PCDHGA1: variants seen among roughly 807,000 people sequenced by gnomAD.
PCDHGA1 encodes the protein protocadherin gamma-A1.
PCDHGA1 carries 32 observed loss-of-function variants against 58.0 expected under a neutral mutation model. The ratio of observed to expected loss-of-function variants is 0.55; its 90% CI spans 0.42 to 0.74. The LOEUF (loss-of-function observed/expected upper bound fraction) is 0.74. Ranked by LOEUF, PCDHGA1 falls within the 30% of genes least tolerant of loss-of-function variation. PCDHGA1 has a pLI of 0.00. For missense variants in PCDHGA1, 1,205 were observed against 1,182.3 expected (o/e 1.02, Z -0.28); for synonymous variants, 498 against 501.1 (o/e 0.99, Z 0.08).
In PCDHGA1 at chr5:141,404,595, T is replaced by C. The variant is rs1035989165; in HGVS notation, c.2421+71490T>C. On this transcript the variant is annotated intron_variant, in intron 1 of 3. Transcript: ENST00000517417. ...CCACCACTTAGCAGCAATGTGTCAT[T>C]GAGACTGTTTGTTTTGGACCAGAAT... is the stretch of plus-strand genomic sequence containing the variant. 44 of 1,613,678 alleles carry C rather than the reference T, an allele frequency of 2.7e-5. No homozygotes were observed. Among genetic ancestry groups the C allele is most frequent in the Non-Finnish European group, 3.6e-5 (43 of 1,179,690 alleles).
intron 1 of PCDHGA1, chr5:141,415,426 C>T: frequency 6.2e-7 from 1 of 1,614,194 alleles, no homozygotes; most frequent in Non-Finnish European, 8.5e-7. Flanking sequence ...GGACGGGGTT[C>T]GGGCTTTCCT....
intron 1 of PCDHGA1, chr5:141,366,686 G>A (rs200958152): frequency 5.3e-5 from 86 of 1,614,138 alleles, no homozygotes; most frequent in Non-Finnish European, 6.8e-6. Flanking sequence ...AGAGAGCTGT[G>A]AGAAAAGCGA....
At chr5:141,421,941 T>C (rs186605459) in intron 1 of PCDHGA1, 2 of 1,613,456 alleles carry the variant, frequency 1.2e-6, no homozygotes, top group East Asian at 4.5e-5. Context: ...ATGTAAATGA[T>C]CACATCCCAA....
At position 141,489,094 on chromosome 5, in the gene PCDHGA1, G is replaced by GAAA. The variant is rs2154581134; in HGVS notation, c.2422-5711_2422-5710insAAA. On this transcript the variant is annotated intron_variant, in intron 1 of 3. Coordinates refer to ENST00000517417, the MANE Select transcript of PCDHGA1 (RefSeq NM_018912.3). The surrounding 1 kb of genome is among the most constrained non-coding windows in gnomAD (Gnocchi z 4.5). ...CCCACCCCCGCCACTCGGTGACTAA[G>GAAA]AACTGCTGCAAGCAGGCAAACCTCC... The GAAA allele has an allele frequency of 5.1e-6, 2 of 396,028 alleles. No homozygotes were observed. Among genetic ancestry groups the GAAA allele is most frequent in the South Asian group, 4.8e-5 (1 of 20,814 alleles). The allele number at this position is 396,028 out of a possible 1,614,324, so 24.5% of individuals were successfully genotyped here.
At chr5:141,465,467 C>T (rs2099103834) in intron 1 of PCDHGA1, among the ~76,000 whole-genome samples, 1 of 152,178 alleles carries the variant, frequency 6.6e-6, no homozygotes, top group Non-Finnish European at 1.5e-5. Flanking sequence ...CCAAATTGCC[C>T]TTGCTTCATG....
intron 1 of PCDHGA1, chr5:141,366,102 T>A (rs1445962676): frequency 6.2e-7 from 1 of 1,614,084 alleles, no homozygotes; most frequent in African/African-American, 1.3e-5. Context: ...GTGACCAAGG[T>A]GGTAGCGGTG....
At chr5:141,345,602 G>A in intron 1 of PCDHGA1, 2 of 1,614,174 alleles carry the variant, frequency 1.2e-6, no homozygotes, top group East Asian at 4.5e-5. Context: ...TCGACTACGA[G>A]CAATTTAGAG....
intron 1 of PCDHGA1, chr5:141,370,497 T>C: frequency 1.2e-6 from 2 of 1,613,956 alleles, no homozygotes; most frequent in Non-Finnish European, 1.7e-6. Context: ...ACCGATCCGC[T>C]ACGCTATTCC....
intron 1 of PCDHGA1, chr5:141,351,730 T>C (rs774894885): frequency 6.2e-7 from 1 of 1,613,666 alleles, no homozygotes; most frequent in East Asian, 2.2e-5. Context: ...TTCTGGCCAG[T>C]GACCTGGAGC....
rs764156663 is a variant in PCDHGA1 at position 141,382,871 on chromosome 5, G to A, written c.2421+49766G>A. 2.6e-6 allele frequency: 4 copies of A among 1,520,506 alleles called. No individual in the cohort carries two copies. The South Asian group carries it at 4.0e-5, about 15-fold the overall frequency. 94.2% of individuals were successfully genotyped at this position (1,520,506 alleles called of 1,614,324 possible). On this transcript the variant is annotated intron_variant, in intron 1 of 3. Coordinates refer to ENST00000517417, the MANE Select transcript of PCDHGA1 (RefSeq NM_018912.3). ...GCATTCTGAAGCACTTCCCGAGATC[G>A]GCGCCTAAGCAAGAGAAGCAGGACG... is the stretch of plus-strand genomic sequence containing the variant.
intron 1 of PCDHGA1, chr5:141,428,054 G>A (rs763394113): frequency 6.2e-7 from 1 of 1,609,038 alleles, no homozygotes; most frequent in Admixed American, 1.7e-5. Context: ...CCAAGGTGGT[G>A]GCGGTGGACG....
chr5:141,345,129 A>C (rs561605906), intron 1 of PCDHGA1: 1 of 1,613,954 alleles, frequency 6.2e-7, no homozygotes, highest in African/African-American at 1.3e-5. Context: ...TGGAAGAGAA[A>C]TTGCTCTTAT....
rs537684458 is a variant in PCDHGA1, at chr5:141,431,679, T to G, written c.2422-63128T>G. The G allele has an allele frequency of 1.5e-5, 24 of 1,614,222 alleles. No individual in the cohort carries two copies. The highest frequency in any genetic ancestry group is 3.3e-5 in the Admixed American group (2 of 60,028). On this transcript the variant is annotated intron_variant, in intron 1 of 3. Coordinates refer to ENST00000517417, the MANE Select transcript of PCDHGA1 (RefSeq NM_018912.3). The surrounding 1 kb of genome is among the most constrained non-coding windows in gnomAD (Gnocchi z 4.8). ...GGGACAATATCAACAATAGGGGAGT[T>G]GGACCACGAGGAGTCAGGATTCTAC...
chr5:141,385,048 C>T (rs1015626472), intron 1 of PCDHGA1: 6 of 1,614,150 alleles, frequency 3.7e-6, no homozygotes, highest in Non-Finnish European at 3.4e-6. Flanking sequence ...GCTCAGGCTG[C>T]GGCGCTGGCA....
rs137901127 is a variant in PCDHGA1 at position 141,436,420 on chromosome 5, A to G, written c.2422-58387A>G. 1.4e-3 allele frequency among the ~76,000 whole-genome samples: 213 copies of G among 152,326 alleles called. 1 individual carries two copies. The highest frequency in any genetic ancestry group is 4.8e-3 in the African/African-American group (199 of 41,594). ...AGTTGTTGAATGAATGGATAAACAA[A>G]TAATGTACTCTGGGGATTACCTGAT... On this transcript the variant is annotated intron_variant, in intron 1 of 3. Coordinates refer to ENST00000517417, the MANE Select transcript of PCDHGA1 (RefSeq NM_018912.3).
Position 141,485,778 on chromosome 5 carries a change from G to C in PCDHGA1, c.2422-9029G>C. 1 of 1,614,216 alleles carries C rather than the reference G, an allele frequency of 6.2e-7. No homozygotes were observed. Among genetic ancestry groups the C allele is most frequent in the Non-Finnish European group, 8.5e-7 (1 of 1,180,048 alleles). On this transcript the variant is annotated intron_variant, in intron 1 of 3. Transcript: ENST00000517417. The surrounding 1 kb of genome is among the most constrained non-coding windows in gnomAD (Gnocchi z 5.7). ...CTGCTCCTGGAGAAGCCTTTGGATCGAGAGAAGCAATCGGACTACCGCCTG... is the reference window on the plus strand; with the variant it reads ...CTGCTCCTGGAGAAGCCTTTGGATCCAGAGAAGCAATCGGACTACCGCCTG...
At chr5:141,394,306 G>T in intron 1 of PCDHGA1, 1 of 1,613,958 alleles carries the variant, frequency 6.2e-7, no homozygotes, top group Non-Finnish European at 8.5e-7. Context: ...ACGCTGCAGG[G>T]GGCGCCCCTG....
Position 141,332,677 on chromosome 5 carries a change from G to A in PCDHGA1, c.1993G>A (p.Ala665Thr), listed in dbSNP as rs1310530720. 3 of 1,613,724 alleles carry A rather than the reference G, an allele frequency of 1.9e-6. No individual in the cohort carries two copies. Among genetic ancestry groups the A allele is most frequent in the Non-Finnish European group, 2.5e-6 (3 of 1,179,946 alleles). Residue 665 changes from alanine (A) to threonine (T), a missense_variant, in exon 1 of 4, where the codon GCC becomes ACC. By Grantham distance (58) the Ala-to-Thr change is moderately conservative. Transcript: ENST00000517417. This position sits in a 1 kb window ranked among gnomAD's most constrained non-coding sequence, Gnocchi z 4.6. The stretch of plus-strand genomic sequence containing the variant: ...CACTGTCACGCTCACCGTGGCCGTG[G>A]CCGACAGGATCTCCGACATCCTGGC... ...SATVTLTVAV[A>T]DRISDILADL...
At chr5:141,471,079 C>T (rs1169560328) in intron 1 of PCDHGA1, among the ~76,000 whole-genome samples, 1 of 145,256 alleles carries the variant, frequency 6.9e-6, no homozygotes, top group African/African-American at 2.5e-5. Context: ...GACAGGGTCT[C>T]CCTCTGTTGT....
Sources: allele counts gnomAD v4.1 joint callset (sites outside exome capture counted in the v4.1 genomes callset), GRCh38; gene constraint gnomAD v4.1.1; non-coding constraint Gnocchi (gnomAD v3.1); transcripts MANE v1.5; gene names NCBI Gene and HGNC (gene_info 2026-07-23, HGNC 2026-07-21).